The following PHKA1 variants were observed in gnomAD, a reference collection of about 807,000 sequenced individuals.
PHKA1 encodes phosphorylase b kinase regulatory subunit alpha, skeletal muscle isoform.
A neutral mutation model predicts 110.2 loss-of-function variants in PHKA1; 60 were observed. The observed-to-expected ratio is 0.54, with a 90% CI of 0.44 to 0.68. The LOEUF (loss-of-function observed/expected upper bound fraction) is 0.68, where lower values mean the gene tolerates loss of function less well. Ranked by LOEUF, PHKA1 falls within the 30% of genes least tolerant of loss-of-function variation. The pLI is 0.00. For synonymous variants in PHKA1, 316 were observed against 333.6 expected, an observed-to-expected ratio of 0.95 and a Z score of 0.58; for missense variants, 801 against 942.5, an observed-to-expected ratio of 0.85 and a Z score of 1.97.
At chrX:72,628,339 T>C (rs1457667586) in intron 16 of PHKA1, among the ~76,000 whole-genome samples, 1 of 110,107 alleles carries the variant, frequency 9.1e-6, no homozygotes, top group Non-Finnish European at 1.9e-5. Flanking sequence ...TTCAATTGAC[T>C]TTCAAGAGTT....
Position 72,620,883 on chromosome X carries a change from A to G in PHKA1, c.1979T>C (p.Val660Ala), listed in dbSNP as rs927727746. ...STSHARCGDE[V>A]ARYLDHLLAH... ...CAAAAGGTGATCTAAATAACGAGCA[A>G]CTTCATCACCACAGCGAGCTGCAAG... The change falls in exon 19 of 32, where the codon GTT becomes GCT. Residue 660 changes from valine to alanine, a missense_variant. By Grantham distance (64) the Val-to-Ala change is moderately conservative. This residue lies in a region of PHKA1 where 502 missense variants were observed against 519.2 expected (regional missense o/e 0.97). Transcript: ENST00000373542. 5.0e-6 allele frequency: 6 copies of G among 1,211,250 alleles called. No individual in the cohort carries two copies. Among genetic ancestry groups the G allele is most frequent in the Non-Finnish European group, 6.7e-6 (6 of 895,375 alleles).
intron 14 of PHKA1, among the ~76,000 whole-genome samples, chrX:72,638,420 G>A (rs1414167530): frequency 1.9e-5 from 2 of 107,700 alleles, no homozygotes; most frequent in African/African-American, 6.7e-5. Flanking sequence ...CTGGGTGTCT[G>A]TTTTATTTTT....
At chrX:72,694,452 A>G (rs1556325678) in intron 4 of PHKA1, among the ~76,000 whole-genome samples, 1 of 111,895 alleles carries the variant, frequency 8.9e-6, no homozygotes, top group Non-Finnish European at 1.9e-5. Context: ...CCAACCTTCT[A>G]GTTTCACAGT....
rs181186211 is a variant in PHKA1 at position 72,619,575 on chromosome X, T to C, written c.2138-270A>G. Among the ~76,000 whole-genome samples, 422 of 112,437 alleles carry C rather than the reference T, an allele frequency of 3.8e-3. 3 individuals carry two copies. The highest frequency in any genetic ancestry group is 5.5e-3 in the Admixed American group (58 of 10,624). On this transcript the variant is annotated intron_variant, in intron 19 of 31. Transcript: ENST00000373542. ...ATATTAAATTTACTAATGTGATTAA[T>C]CCACGATGGTGCGTTCACTGATACT... is the stretch of plus-strand genomic sequence containing the variant.
chrX:72,591,268 T>C (rs1243697765), intron 29 of PHKA1, among the ~76,000 whole-genome samples: 2 of 111,633 alleles, frequency 1.8e-5, no homozygotes, highest in Non-Finnish European at 1.9e-5. Flanking sequence ...TGCAGGGACA[T>C]AGACGAAGCT....
chrX:72,641,220 T>A (rs782730457), intron 14 of PHKA1, among the ~76,000 whole-genome samples: 9 of 111,815 alleles, frequency 8.0e-5, no homozygotes, highest in Non-Finnish European at 1.5e-4. Flanking sequence ...TCTTTGTAAA[T>A]AATCATCTGG....
At chrX:72,681,577 C>T (rs201733770) in intron 5 of PHKA1, among the ~76,000 whole-genome samples, 4 of 84,905 alleles carry the variant, frequency 4.7e-5, no homozygotes, top group African/African-American at 1.3e-4. Flanking sequence ...CCAGCCGCCC[C>T]GTCCGGGAGG....
intron 6 of PHKA1, among the ~76,000 whole-genome samples, chrX:72,668,543 A>ATTTT (rs782278796): frequency 8.9e-6 from 1 of 111,847 alleles, no homozygotes; most frequent in South Asian, 3.8e-4. Flanking sequence ...AAGATTGAAT[A>ATTTT]TTATTTCTAG....
intron 18 of PHKA1, 82 bp downstream of exon 18, chrX:72,623,027 C>T (rs2053001578): frequency 1.7e-6 from 2 of 1,197,776 alleles, no homozygotes; most frequent in Non-Finnish European, 2.3e-6. Context: ...AGACTGCTGG[C>T]AGCATAAATT....
At chrX:72,682,934 TAAAAA>T (rs1164416043) in intron 5 of PHKA1, among the ~76,000 whole-genome samples, 71 of 63,841 alleles carry the variant, frequency 1.1e-3, no homozygotes, top group East Asian at 3.0e-3. Context: ...AAAAATAAAT[TAAAAA>T]AAAAAAAAAA....
chrX:72,653,827 C>G (rs1327416975), intron 10 of PHKA1, among the ~76,000 whole-genome samples: 2 of 111,450 alleles, frequency 1.8e-5, no homozygotes, highest in African/African-American at 6.5e-5. Context: ...AGCAAGTACA[C>G]AGTTGAGTCC....
intron 8 of PHKA1, among the ~76,000 whole-genome samples, chrX:72,663,752 A>T (rs1324051761): frequency 9.1e-6 from 1 of 109,792 alleles, no homozygotes; most frequent in East Asian, 2.8e-4. Context: ...AAAAAAAAAA[A>T]ACCTGTCAGG....
At chrX:72,705,614 C>T (rs897802358) in intron 2 of PHKA1, among the ~76,000 whole-genome samples, 1 of 111,902 alleles carries the variant, frequency 8.9e-6, no homozygotes, top group Non-Finnish European at 1.9e-5. Flanking sequence ...TTCACTACAA[C>T]ATTGCTTTCA....
At chrX:72,598,103 C>A (rs1328312768) in intron 28 of PHKA1, among the ~76,000 whole-genome samples, 2 of 111,108 alleles carry the variant, frequency 1.8e-5, no homozygotes, top group Non-Finnish European at 3.8e-5. Context: ...GAAATATTTG[C>A]AAATTTTATA....
At chrX:72,628,789 G>T (rs1206748576) in intron 16 of PHKA1, among the ~76,000 whole-genome samples, 1 of 107,388 alleles carries the variant, frequency 9.3e-6, no homozygotes, top group African/African-American at 3.4e-5. Context: ...CACCATGTTG[G>T]CCAGGCTGCT....
intron 6 of PHKA1, among the ~76,000 whole-genome samples, chrX:72,675,625 C>T (rs903371999): frequency 4.5e-5 from 5 of 110,098 alleles, no homozygotes; most frequent in African/African-American, 1.7e-4. Context: ...AAAAGTAGAG[C>T]CAAGTTGAAT....
intron 5 of PHKA1, among the ~76,000 whole-genome samples, chrX:72,681,543 T>TGG (rs1185425993): frequency 1.6e-5 from 1 of 64,247 alleles, no homozygotes; most frequent in African/African-American, 5.9e-5. Context: ...GGGAGGGAGG[T>TGG]GGGGGGGTCA....
At chrX:72,597,770 A>C (rs2052609617) in intron 28 of PHKA1, among the ~76,000 whole-genome samples, 1 of 111,868 alleles carries the variant, frequency 8.9e-6, no homozygotes, top group Admixed American at 9.5e-5. Flanking sequence ...TAGGTGTAAT[A>C]AACCGTAGCA....
Position 72,665,442 on chromosome X carries a change from T to C in PHKA1, c.864+709A>G, listed in dbSNP as rs140970722. ...AAAAGTCCAGGAATGGATGGCTTTA[T>C]TGCTGAGTTCTACCAAACTTTTAAA... On this transcript the variant is annotated intron_variant, in intron 8 of 31. Transcript: ENST00000373542. Among the ~76,000 whole-genome samples, 416 of 111,721 alleles carry C rather than the reference T, an allele frequency of 3.7e-3. 1 individual carries two copies. Among genetic ancestry groups the C allele is most frequent in the African/African-American group, 0.013 (405 of 30,799 alleles).
Sources: gnomAD v4.1 joint callset for allele counts (sites outside exome capture counted in the v4.1 genomes callset) on GRCh38, gnomAD v4.1.1 for gene constraint, gnomAD v4.1.1 regional missense constraint, MANE v1.5 for transcripts, NCBI Gene and HGNC (gene_info 2026-07-23, HGNC 2026-07-21) for gene names.